Variants in UBE2E2 observed in about 807,000 individuals in gnomAD.
UBE2E2 encodes ubiquitin-conjugating enzyme E2 E2.
In UBE2E2, 6 loss-of-function variants were observed where a neutral mutation model predicts 24.7. The observed-to-expected ratio is 0.24, with a 90% CI of 0.13 to 0.48. The LOEUF is 0.48. Ranked by LOEUF, UBE2E2 falls within the 20% of genes least tolerant of loss-of-function variation. The probability of loss-of-function intolerance (pLI) is 0.99; values close to 1 mark genes in which losing one functional copy is unlikely to be tolerated. For synonymous variants in UBE2E2, 104 were observed against 83.6 expected, an observed-to-expected ratio of 1.24 and a Z score of -1.33; for missense variants, 169 against 245.0, an observed-to-expected ratio of 0.69 and a Z score of 2.07.
rs369108573 is a variant in UBE2E2, at chr3:23,527,733, A to C, written c.361-4821A>C. Among the ~76,000 whole-genome samples, 13 of 152,198 alleles carry C rather than the reference A, an allele frequency of 8.5e-5. No individual in the cohort carries two copies. The East Asian group carries it at 2.1e-3, about 25-fold the overall frequency. On this transcript the variant is annotated intron_variant, in intron 4 of 5. Coordinates refer to ENST00000396703, the MANE Select transcript of UBE2E2 (RefSeq NM_152653.4). Reference sequence around the variant, plus strand: ...TAATGAAGCCTCCATAAAACCCCTAAAAGCAAGGTTCAGAGAGGTTCTGGG... The same window carrying C: ...TAATGAAGCCTCCATAAAACCCCTACAAGCAAGGTTCAGAGAGGTTCTGGG...
intron 5 of UBE2E2, among the ~76,000 whole-genome samples, chr3:23,554,157 A>G (rs1238776932): frequency 6.6e-6 from 1 of 152,228 alleles, no homozygotes; most frequent in Non-Finnish European, 1.5e-5. Context: ...GCTATAGTAT[A>G]TAGCTATAGT....
intron 3 of UBE2E2, among the ~76,000 whole-genome samples, chr3:23,359,832 T>A (rs1236228927): frequency 6.6e-6 from 1 of 152,154 alleles, no homozygotes; most frequent in East Asian, 1.9e-4. Context: ...ACATAGATAA[T>A]TGAATGAAAT....
intron 3 of UBE2E2, among the ~76,000 whole-genome samples, chr3:23,237,501 T>G (rs1697143830): frequency 6.6e-6 from 1 of 152,164 alleles, no homozygotes; most frequent in African/African-American, 2.4e-5. Flanking sequence ...AGAAGCCTCA[T>G]CAGCTGGGCT....
At chr3:23,412,259 G>A (rs536086311) in intron 3 of UBE2E2, among the ~76,000 whole-genome samples, 23 of 152,116 alleles carry the variant, frequency 1.5e-4, no homozygotes, top group African/African-American at 4.8e-4. Flanking sequence ...GTCTTAAAAC[G>A]TATTTGTGTT....
intron 4 of UBE2E2, among the ~76,000 whole-genome samples, chr3:23,505,062 C>T (rs959888011): frequency 6.1e-5 from 9 of 148,574 alleles, no homozygotes; most frequent in Non-Finnish European, 1.3e-4. Flanking sequence ...CACACCACCA[C>T]ACCTGGCTAA....
At position 23,526,194 on chromosome 3, in the gene UBE2E2, C is replaced by T. The variant is rs116338147; in HGVS notation, c.361-6360C>T. Among the ~76,000 whole-genome samples, 44 of 152,128 alleles carry T rather than the reference C, an allele frequency of 2.9e-4. No homozygotes were observed. In the East Asian group the frequency reaches 7.5e-3, roughly 26 times the overall value. ...ATACAAATGTTTATGTTGGAGTGCC[C>T]GGCACATATTGAATGCTTACTGAAT... On this transcript the variant is annotated intron_variant, in intron 4 of 5. Transcript: ENST00000396703.
chr3:23,447,120 C>T (rs1378520390), intron 3 of UBE2E2, among the ~76,000 whole-genome samples: 1 of 152,076 alleles, frequency 6.6e-6, no homozygotes, highest in Non-Finnish European at 1.5e-5. Context: ...TTTTTCAGTA[C>T]TTACAACAGT....
intron 4 of UBE2E2, among the ~76,000 whole-genome samples, chr3:23,508,925 A>G (rs554599826): frequency 6.6e-6 from 1 of 152,188 alleles, no homozygotes; most frequent in Admixed American, 6.5e-5. Context: ...AAAAGGTTCA[A>G]CTCACTTACC....
chr3:23,305,797 A>G lies in UBE2E2; in HGVS notation c.227+88485A>G, dbSNP rs62255347. Among the ~76,000 whole-genome samples the G allele has an allele frequency of 6.2e-3, 942 of 152,230 alleles. 10 individuals are homozygous for G. The highest frequency in any genetic ancestry group is 0.01 in the Non-Finnish European group (692 of 68,010). ...CAGGTTGGAGTATAGTGGTATAATC[A>G]CAGCTTACCGCAGCCTGGAGCTCCT... On this transcript the variant is annotated intron_variant, in intron 3 of 5. Transcript: ENST00000396703.
chr3:23,480,601 G>A (rs986795254), intron 3 of UBE2E2, among the ~76,000 whole-genome samples: 2 of 147,678 alleles, frequency 1.4e-5, no homozygotes, highest in Non-Finnish European at 1.5e-5. Context: ...GGCCACTGCC[G>A]CCATGAACAG....
At chr3:23,351,959 G>A (rs575503798) in intron 3 of UBE2E2, among the ~76,000 whole-genome samples, 4 of 151,922 alleles carry the variant, frequency 2.6e-5, no homozygotes, top group Non-Finnish European at 5.9e-5. Flanking sequence ...CACACCTATT[G>A]CAAAATTGAC....
At chr3:23,399,874 A>G (rs1170563495) in intron 3 of UBE2E2, among the ~76,000 whole-genome samples, 1 of 152,198 alleles carries the variant, frequency 6.6e-6, no homozygotes, top group Non-Finnish European at 1.5e-5. Flanking sequence ...AAAACAGTTG[A>G]TGTCAGACTC....
intron 3 of UBE2E2, among the ~76,000 whole-genome samples, chr3:23,492,057 A>G (rs1228574757): frequency 6.6e-6 from 1 of 152,168 alleles, no homozygotes; most frequent in African/African-American, 2.4e-5. Context: ...ACCCAGAATG[A>G]AGGTGAAGAG....
rs992240308 is a variant in UBE2E2, at chr3:23,285,241, G to A, written c.227+67929G>A. ...TTCTTTTATGGCTGAATAGTATTCCGTTGTGTATGTGTCCATTTTCTTTAT... is the reference window on the plus strand; with the variant it reads ...TTCTTTTATGGCTGAATAGTATTCCATTGTGTATGTGTCCATTTTCTTTAT... On this transcript the variant is annotated intron_variant, in intron 3 of 5. Coordinates refer to ENST00000396703, the MANE Select transcript of UBE2E2 (RefSeq NM_152653.4). 7.2e-5 allele frequency among the ~76,000 whole-genome samples: 11 copies of A among 152,192 alleles called. No individual in the cohort carries two copies. The East Asian group carries it at 7.7e-4, about 11-fold the overall frequency.
At chr3:23,344,577 G>T (rs919115623) in intron 3 of UBE2E2, among the ~76,000 whole-genome samples, 3 of 152,046 alleles carry the variant, frequency 2.0e-5, no homozygotes, top group Admixed American at 2.0e-4. Context: ...AATGAATGAA[G>T]ATATTAAGAA....
At position 23,590,920 on chromosome 3, in the gene UBE2E2, A is replaced by T. The variant is rs1278924825; in HGVS notation, c.*1089A>T. 4 of 152,100 alleles carry T rather than the reference A, an allele frequency of 2.6e-5. No individual in the cohort carries two copies. Among genetic ancestry groups the T allele is most frequent in the Non-Finnish European group, 5.9e-5 (4 of 68,024 alleles). The allele number at this position is 152,100 out of a possible 1,614,324, so 9.4% of individuals were successfully genotyped here. On this transcript the variant is annotated 3_prime_UTR_variant, in exon 6 of 6. Coordinates refer to ENST00000396703, the MANE Select transcript of UBE2E2 (RefSeq NM_152653.4). ...ATTGTGTTCAGCCACTTTCAACTTT[A>T]TTTCTCTCAAAATTGTTACAGTGAT...
intron 3 of UBE2E2, among the ~76,000 whole-genome samples, chr3:23,438,156 G>A (rs1259690617): frequency 2.0e-5 from 3 of 152,184 alleles, no homozygotes. Flanking sequence ...CTTGATTCAG[G>A]TGGGACTTCA....
intron 3 of UBE2E2, among the ~76,000 whole-genome samples, chr3:23,411,756 T>C (rs80296770): frequency 0.029 from 4,392 of 152,088 alleles, 111 homozygotes; most frequent in East Asian, 0.13. Flanking sequence ...ACTAGAACGT[T>C]GAGATTGAGA....
At chr3:23,488,018 G>A (rs1229965788) in intron 3 of UBE2E2, among the ~76,000 whole-genome samples, 1 of 151,724 alleles carries the variant, frequency 6.6e-6, no homozygotes, top group Admixed American at 6.6e-5. Flanking sequence ...GTAGTAGGAT[G>A]TCACAACCAA....
Sources: allele counts gnomAD v4.1 joint callset (sites outside exome capture counted in the v4.1 genomes callset), GRCh38; gene constraint gnomAD v4.1.1; transcripts MANE v1.5; gene names NCBI Gene and HGNC (gene_info 2026-07-23, HGNC 2026-07-21).